Variants in HRAS observed in about 807,000 individuals in gnomAD.
The protein encoded by HRAS is HRas proto-oncogene, GTPase.
Under a neutral mutation model 19.8 loss-of-function variants are expected in HRAS, and 11 were observed. The observed-to-expected ratio is 0.55, with a 90% CI of 0.35 to 0.92. The LOEUF (loss-of-function observed/expected upper bound fraction) is 0.92, where lower values mean the gene tolerates loss of function less well. Among genes scored for constraint, HRAS ranks in the 40% least tolerant of loss-of-function variants. The pLI, the probability that HRAS is intolerant of heterozygous loss-of-function variation, is 0.01. For synonymous variants in HRAS, 149 were observed against 105.5 expected, an observed-to-expected ratio of 1.41 and a Z score of -2.52; for missense variants, 204 against 255.9, an observed-to-expected ratio of 0.80 and a Z score of 1.38.
chr11:534,224 G>C lies in HRAS; in HGVS notation c.99C>G (p.Asp33Glu), dbSNP rs756934316. 1 of 1,612,328 alleles carries C rather than the reference G, an allele frequency of 6.2e-7. No individual in the cohort carries two copies. Among genetic ancestry groups the C allele is most frequent in the Non-Finnish European group, 8.5e-7 (1 of 1,178,722 alleles). Residue 33 changes from aspartate (D) to glutamate (E), a missense_variant, in exon 2 of 6, where the codon GAC (aspartate) becomes GAG (glutamate). Coordinates refer to ENST00000311189, the MANE Select transcript of HRAS (RefSeq NM_005343.4). ...GCGCCAGGCTCACCTCTATAGTGGG[G>C]TCGTATTCGTCCACAAAATGGTTCT... is the stretch of plus-strand genomic sequence containing the variant. Reference protein sequence around the residue: ...LIQNHFVDEYDPTIEDSYRKQ... With the variant: ...LIQNHFVDEYEPTIEDSYRKQ...
Position 532,703 on chromosome 11 carries a change from AGC to A in HRAS, c.501_502del (p.Lys167AsnfsTer8). The A allele has an allele frequency of 6.2e-7, 1 of 1,613,216 alleles. No individual in the cohort carries two copies. The highest frequency in any genetic ancestry group is 8.5e-7 in the Non-Finnish European group (1 of 1,179,990). The stretch of plus-strand genomic sequence containing the variant: ...CTCATCAGGAGGGTTCAGCTTCCGC[AGC>A]TTGTGCTGCCGGATCTCACGCACCA... On this transcript the variant is annotated frameshift_variant, in exon 5 of 6. Transcript: ENST00000311189. LOFTEE classifies it high-confidence loss of function.
At chr11:534,093 C>A in intron 2 of HRAS, 119 bp downstream of exon 2, 1 of 1,158,164 alleles carries the variant, frequency 8.6e-7, no homozygotes, top group Non-Finnish European at 1.3e-6. Context: ...CTAGAGGAAG[C>A]AGGAGACAGG....
intron 4 of HRAS, 79 bp from the exon 5 acceptor site, chr11:532,834 A>G: frequency 6.9e-7 from 1 of 1,457,156 alleles, no homozygotes; most frequent in African/African-American, 1.4e-5. Flanking sequence ...CTGTGGGATC[A>G]AGCCTTGCCT....
chr11:535,239 C>G (rs1851398814), intron 1 of HRAS, 177 bp downstream of exon 1: 1 of 149,374 alleles, frequency 6.7e-6, no homozygotes. Context: ...CCCGCCGCAG[C>G]CCCCGACGCC....
chr11:533,994 A>T (rs1851292692), intron 2 of HRAS, 50 bp from the exon 3 acceptor site: 1 of 1,572,140 alleles, frequency 6.4e-7, no homozygotes, highest in African/African-American at 1.3e-5. Flanking sequence ...CCGTGGGGGG[A>T]GTTCACACAG....
At position 533,440 on chromosome 11, in the gene HRAS, A is replaced by T. The variant is rs752168787; in HGVS notation, c.450+13T>A. 3 of 1,612,002 alleles carry T rather than the reference A, an allele frequency of 1.9e-6. No individual in the cohort carries two copies. Among genetic ancestry groups the T allele is most frequent in the Non-Finnish European group, 2.5e-6 (3 of 1,179,846 alleles). On this transcript the variant is annotated intron_variant, in intron 4 of 5. Coordinates refer to ENST00000311189, the MANE Select transcript of HRAS (RefSeq NM_005343.4). ...GGGTCCCTGGCTAGCTGTGGGGTGGAGAGCTGCCTCACCTGCCGGGTCTTG... is the reference window on the plus strand; with the variant it reads ...GGGTCCCTGGCTAGCTGTGGGGTGGTGAGCTGCCTCACCTGCCGGGTCTTG...
In HRAS at chr11:533,794, T is replaced by C; in HGVS notation, c.262A>G (p.Lys88Glu). ...TACTGGTGGATGTCCTCAAAAGACT[T>C]GGTGTTGTTGATGGCAAACACACAC... Reference protein sequence around the residue: ...FLCVFAINNTKSFEDIHQYRE... With the variant: ...FLCVFAINNTESFEDIHQYRE... The change falls in exon 3 of 6, where the codon AAG becomes GAG. Residue 88 changes from lysine to glutamate, a missense_variant. Physicochemically the swap from Lys to Glu is moderately conservative, Grantham distance 56. Transcript: ENST00000311189. 6.2e-7 allele frequency: 1 copy of C among 1,613,378 alleles called. No individual in the cohort carries two copies. The highest frequency in any genetic ancestry group is 8.5e-7 in the Non-Finnish European group (1 of 1,180,010).
chr11:533,128 C>G (rs1039298901), intron 4 of HRAS: 1 of 729,032 alleles, frequency 1.4e-6, no homozygotes, highest in African/African-American at 1.8e-5. Flanking sequence ...AGGGGCCGGG[C>G]CCCAGGGTCA....
At chr11:534,681 C>T (rs1851346408) in intron 1 of HRAS, 1 of 369,422 alleles carries the variant, frequency 2.7e-6, no homozygotes, top group Non-Finnish European at 5.1e-6. Context: ...GGCAGAAAGG[C>T]TAAAGGGAGG....
intron 2 of HRAS, 100 bp from the exon 3 acceptor site, chr11:534,044 C>G: frequency 1.5e-6 from 2 of 1,368,066 alleles, no homozygotes; most frequent in Non-Finnish European, 2.1e-6. Flanking sequence ...CTCATGCCCC[C>G]TCCTCTCCTG....
chr11:534,218 A>G lies in HRAS; in HGVS notation c.105T>C (p.Thr35=). 6.2e-7 allele frequency: 1 copy of G among 1,611,108 alleles called. No homozygotes were observed. The highest frequency in any genetic ancestry group is 8.5e-7 in the Non-Finnish European group (1 of 1,177,800). ...ACGGCGGCGCCAGGCTCACCTCTAT[A>G]GTGGGGTCGTATTCGTCCACAAAAT... is the stretch of plus-strand genomic sequence containing the variant. ...QNHFVDEYDP[T]IEDSYRKQVV... is the part of the protein sequence containing the mutation. Residue 35 remains threonine (T), a synonymous_variant, in exon 2 of 6, where the codon ACT becomes ACC. Coordinates refer to ENST00000311189, the MANE Select transcript of HRAS (RefSeq NM_005343.4).
At position 533,612 on chromosome 11, in the gene HRAS, C is replaced by T. The variant is rs761460872; in HGVS notation, c.291G>A (p.Arg97=). 1 of 1,613,790 alleles carries T rather than the reference C, an allele frequency of 6.2e-7. No homozygotes were observed. Among genetic ancestry groups the T allele is most frequent in the Non-Finnish European group, 8.5e-7 (1 of 1,179,988 alleles). Residue 97 remains arginine, a splice_region_variant and synonymous_variant, in exon 4 of 6, where the codon AGG becomes AGA. Transcript: ENST00000311189. ...TKSFEDIHQY[R]EQIKRVKDSD... The stretch of plus-strand genomic sequence containing the variant: ...AGTCCTTCACCCGTTTGATCTGCTC[C>T]CTGAGAGGTGGAAAGCGAGAGCTGG...
chr11:534,398 GCCAGGCCCAGGCCCAGCC>G (rs1473520840), intron 1 of HRAS, 23 bp from the exon 2 acceptor site: 2 of 1,230,258 alleles, frequency 1.6e-6, no homozygotes, highest in Non-Finnish European at 1.2e-6. Flanking sequence ...GCCCTGCTCA[GCCAGGCCCAGGCCCAGCC>G]CCAGGCCCCA....
At chr11:534,103 G>A in intron 2 of HRAS, 109 bp downstream of exon 2, 1 of 1,172,348 alleles carries the variant, frequency 8.5e-7, no homozygotes, top group South Asian at 1.2e-5. Context: ...CAGGAGACAG[G>A]GCCACAGCAC....
rs142218590 is a variant in HRAS at position 532,700 on chromosome 11, C to T, written c.506G>A (p.Arg169Gln). Residue 169 changes from arginine to glutamine, a missense_variant, in exon 5 of 6, where the codon CGG (arginine) becomes CAG (glutamine). Physicochemically the swap from Arg to Gln is conservative, Grantham distance 43. Transcript: ENST00000311189. Reference sequence around the variant, plus strand: ...ACTCTCATCAGGAGGGTTCAGCTTCCGCAGCTTGTGCTGCCGGATCTCACG... The same window carrying T: ...ACTCTCATCAGGAGGGTTCAGCTTCTGCAGCTTGTGCTGCCGGATCTCACG... The part of the protein sequence containing the change: ...LVREIRQHKL[R>Q]KLNPPDESGP... 4.2e-5 allele frequency: 67 copies of T among 1,613,070 alleles called. No homozygotes were observed. Among genetic ancestry groups the T allele is most frequent in the African/African-American group, 1.3e-4 (10 of 74,942 alleles).
intron 5 of HRAS, 31 bp from the exon 6 acceptor site, chr11:532,553 G>A (rs1053388693): frequency 2.6e-6 from 4 of 1,556,362 alleles, no homozygotes; most frequent in South Asian, 1.2e-5. Context: ...GCTGCTGACC[G>A]CAGGCCAGGA....
Position 532,636 on chromosome 11 carries a change from T to C in HRAS, c.570A>G (p.Ter190TrpextTer60). Residue 190 changes from the stop codon to tryptophan (W), a stop_lost, in exon 5 of 6, where the codon TGA (stop) becomes TGG (tryptophan). Coordinates refer to ENST00000311189, the MANE Select transcript of HRAS (RefSeq NM_005343.4). ...GCMSCKCVLS[*>W] Reference sequence around the variant, plus strand: ...GCCCTGGGAGTCCCCCTCACCTGCGTCAGGAGAGCACACACTTGCAGCTCA... The same window carrying C: ...GCCCTGGGAGTCCCCCTCACCTGCGCCAGGAGAGCACACACTTGCAGCTCA... 6.2e-7 allele frequency: 1 copy of C among 1,611,184 alleles called. No homozygotes were observed. The highest frequency in any genetic ancestry group is 8.5e-7 in the Non-Finnish European group (1 of 1,179,850).
intron 1 of HRAS, among the ~76,000 whole-genome samples, chr11:535,010 G>A (rs1482200116): frequency 6.6e-6 from 1 of 152,210 alleles, no homozygotes; most frequent in Non-Finnish European, 1.5e-5. Context: ...AGAGGGAAAA[G>A]GCACTGGGGC....
rs759004302 is a variant in HRAS, at chr11:532,687, A to C, written c.519T>G (p.Pro173=). The C allele has an allele frequency of 1.2e-6, 2 of 1,613,098 alleles. No individual in the cohort carries two copies. Among genetic ancestry groups the C allele is most frequent in the Admixed American group, 3.3e-5 (2 of 60,028 alleles). The change falls in exon 5 of 6, where the codon CCT becomes CCG. Residue 173 remains proline (P), a synonymous_variant. Transcript: ENST00000311189. ...TGCAGCCGGGGCCACTCTCATCAGG[A>C]GGGTTCAGCTTCCGCAGCTTGTGCT... is the stretch of plus-strand genomic sequence containing the variant. ...IRQHKLRKLN[P]PDESGPGCMS... is the part of the protein sequence containing the mutation.
Sources: allele counts gnomAD v4.1 joint callset (sites outside exome capture counted in the v4.1 genomes callset), GRCh38; gene constraint gnomAD v4.1.1; transcripts MANE v1.5; gene names NCBI Gene and HGNC (gene_info 2026-07-23, HGNC 2026-07-21).